The following RNPEPL1 variants were observed in gnomAD, a reference collection of about 807,000 sequenced individuals.
RNPEPL1 encodes the protein aminopeptidase RNPEPL1.
In RNPEPL1, 46 loss-of-function variants were observed where a neutral mutation model predicts 69.0. That is an observed-to-expected ratio of 0.67 (90% CI 0.53 to 0.85). The LOEUF (loss-of-function observed/expected upper bound fraction) is 0.85. Ranked by LOEUF, RNPEPL1 falls within the 40% of genes least tolerant of loss-of-function variation. The pLI is 0.00. For missense variants in RNPEPL1, 869 were observed against 992.5 expected (o/e 0.88, Z 1.67); for synonymous variants, 525 against 454.1 (o/e 1.16, Z -1.98).
At chr2:240,573,288 G>A in intron 3 of RNPEPL1, 27 bp downstream of exon 3, 1 of 1,544,524 alleles carries the variant, frequency 6.5e-7, no homozygotes, top group African/African-American at 1.4e-5. Context: ...GGGCCTTCTG[G>A]GGCTGCGCAG....
At position 240,569,275 on chromosome 2, in the gene RNPEPL1, C is replaced by G. The variant is rs913011085; in HGVS notation, c.528+161C>G. On this transcript the variant is annotated intron_variant, in intron 1 of 10. Coordinates refer to ENST00000270357, the MANE Select transcript of RNPEPL1 (RefSeq NM_018226.6). ...AGCTGTTGCCTGTGAGCCCTTAGGACCCTCGGATAGAAGCCGGAGTCCTGC... is the reference window on the plus strand; with the variant it reads ...AGCTGTTGCCTGTGAGCCCTTAGGAGCCTCGGATAGAAGCCGGAGTCCTGC... 2.8e-5 allele frequency: 22 copies of G among 787,760 alleles called. No individual in the cohort carries two copies. The Admixed American group carries it at 7.3e-4, about 26-fold the overall frequency. 48.8% of individuals were successfully genotyped at this position (787,760 alleles called of 1,614,324 possible).
chr2:240,573,274 G>C lies in RNPEPL1; in HGVS notation c.821+13G>C. Reference sequence around the variant, plus strand: ...ACATCGGGCCCAGGTAGGGCCTCCTGCTGGGGCCTTCTGGGGCTGCGCAGG... The same window carrying C: ...ACATCGGGCCCAGGTAGGGCCTCCTCCTGGGGCCTTCTGGGGCTGCGCAGG... On this transcript the variant is annotated intron_variant, in intron 3 of 10. Coordinates refer to ENST00000270357, the MANE Select transcript of RNPEPL1 (RefSeq NM_018226.6). The C allele has an allele frequency of 6.4e-7, 1 of 1,553,382 alleles. No individual in the cohort carries two copies. Among genetic ancestry groups the C allele is most frequent in the Non-Finnish European group, 8.7e-7 (1 of 1,148,782 alleles).
At position 240,572,639 on chromosome 2, in the gene RNPEPL1, C is replaced by T. The variant is rs1295213650; in HGVS notation, c.669+76C>T. 3 of 1,501,842 alleles carry T rather than the reference C, an allele frequency of 2.0e-6. No homozygotes were observed. The Admixed American group carries it at 6.0e-5, about 30-fold the overall frequency. 93.0% of individuals were successfully genotyped at this position (1,501,842 alleles called of 1,614,324 possible). ...CTGGCCACGCCGCCTCCCCCTTGCT[C>T]CTACCTGCCTGGGCTGTGGCCCCAG... On this transcript the variant is annotated intron_variant, in intron 2 of 10. Transcript: ENST00000270357.
chr2:240,572,283 A>C (rs1297151536), intron 1 of RNPEPL1, 140 bp from the exon 2 acceptor site: 1 of 970,818 alleles, frequency 1.0e-6, no homozygotes, highest in African/African-American at 1.6e-5. Flanking sequence ...AGGGGTGGCT[A>C]TTGGCCCTCG....
chr2:240,572,933 A>G (rs532383536), intron 2 of RNPEPL1, among the ~76,000 whole-genome samples, 177 bp from the exon 3 acceptor site: 1 of 152,300 alleles, frequency 6.6e-6, no homozygotes, highest in Non-Finnish European at 1.5e-5. Context: ...GCTGGGAGCT[A>G]GGGGTTCCGA....
At position 240,568,816 on chromosome 2, in the gene RNPEPL1, T is replaced by C; in HGVS notation, c.230T>C (p.Leu77Pro). The change falls in exon 1 of 11, where the codon CTC becomes CCC. Residue 77 changes from leucine to proline, a missense_variant. Coordinates refer to ENST00000270357, the MANE Select transcript of RNPEPL1 (RefSeq NM_018226.6). The surrounding 1 kb of genome is among the most constrained non-coding windows in gnomAD (Gnocchi z 6.2). Reference sequence around the variant, plus strand: ...CGGCCCGCGCCCCGCGCGCTCGTGCTCGACGCGCACCCGGCTCTGCGCCTG... The same window carrying C: ...CGGCCCGCGCCCCGCGCGCTCGTGCCCGACGCGCACCCGGCTCTGCGCCTG... ...ALRPAPRALV[L>P]DAHPALRLHS... The C allele has an allele frequency of 1.8e-6, 2 of 1,112,614 alleles. No individual in the cohort carries two copies. Among genetic ancestry groups the C allele is most frequent in the Non-Finnish European group, 2.2e-6 (2 of 911,086 alleles). The allele number at this position is 1,112,614 out of a possible 1,614,324, so 68.9% of individuals were successfully genotyped here.
chr2:240,574,401 G>A lies in RNPEPL1; in HGVS notation c.1174+53G>A, dbSNP rs539813570. 1.4e-5 allele frequency: 22 copies of A among 1,568,840 alleles called. No homozygotes were observed. The African/African-American group carries it at 2.3e-4, about 16-fold the overall frequency. On this transcript the variant is annotated intron_variant, in intron 5 of 10. Coordinates refer to ENST00000270357, the MANE Select transcript of RNPEPL1 (RefSeq NM_018226.6). ...ACGGGGGGCCCTGGGCACTGGTCCA[G>A]GGGCAGAGAGCCTAGCCTGGCCCCC...
intron 1 of RNPEPL1, among the ~76,000 whole-genome samples, chr2:240,570,183 G>C (rs115069440): frequency 6.6e-6 from 1 of 152,216 alleles, no homozygotes; most frequent in Admixed American, 6.5e-5. Flanking sequence ...TCCGTGTTTG[G>C]AGCCCACGTG....
At chr2:240,574,905 C>T (rs543846534) in intron 6 of RNPEPL1, 125 bp from the exon 7 acceptor site, 574 of 793,780 alleles carry the variant, frequency 7.2e-4, no homozygotes, top group Non-Finnish European at 1.1e-3. Flanking sequence ...CAGTACACAT[C>T]TGGACATGTG....
At position 240,573,098 on chromosome 2, in the gene RNPEPL1, G is replaced by GC. The variant is rs766962177; in HGVS notation, c.670-10dup. ...GGTGGGGCCACCCGGTCTCAGTCCG[G>GC]CCTCCTTACAGGCGCCATCGGGGGT... On this transcript the variant is annotated splice_polypyrimidine_tract_variant and intron_variant, in intron 2 of 10. Coordinates refer to ENST00000270357, the MANE Select transcript of RNPEPL1 (RefSeq NM_018226.6). 1 of 1,591,482 alleles carries GC rather than the reference G, an allele frequency of 6.3e-7. No homozygotes were observed. Among genetic ancestry groups the GC allele is most frequent in the Non-Finnish European group, 8.6e-7 (1 of 1,167,608 alleles).
chr2:240,575,645 C>A lies in RNPEPL1; in HGVS notation c.1510+35C>A, dbSNP rs376974000. 4.5e-6 allele frequency: 7 copies of A among 1,571,560 alleles called. No individual in the cohort carries two copies. In the East Asian group the frequency reaches 1.6e-4, roughly 35 times the overall value. On this transcript the variant is annotated intron_variant, in intron 8 of 10. Transcript: ENST00000270357. ...ACCCCCAACCCTGCAGCCAGGGAGC[C>A]GTGGGTATGATGGCAGGCGGGGCCT... is the stretch of plus-strand genomic sequence containing the variant.
chr2:240,573,346 G>A (rs2093027954), intron 3 of RNPEPL1, 85 bp downstream of exon 3: 9 of 1,427,628 alleles, frequency 6.3e-6, no homozygotes, highest in Non-Finnish European at 8.3e-6. Flanking sequence ...GTCCACGGCT[G>A]CCCTGCTGAG....
At chr2:240,572,735 A>G (rs1009623410) in intron 2 of RNPEPL1, among the ~76,000 whole-genome samples, 172 bp downstream of exon 2, 6 of 152,080 alleles carry the variant, frequency 3.9e-5, no homozygotes, top group Admixed American at 6.5e-5. Context: ...TTTGCAGGGA[A>G]CGGGGGAAGC....
rs894173487 is a variant in RNPEPL1 at position 240,573,766 on chromosome 2, A to C, written c.822-9A>C. On this transcript the variant is annotated splice_polypyrimidine_tract_variant and intron_variant, in intron 3 of 10. Transcript: ENST00000270357. ...CTCGGCCTCAGCTCACCCTCTCTGC[A>C]TGCACCAGGAGCCGCGTGTGGGCCG... 5.9e-6 allele frequency: 9 copies of C among 1,527,714 alleles called. No individual in the cohort carries two copies. The African/African-American group carries it at 1.1e-4, about 19-fold the overall frequency. 94.6% of individuals were successfully genotyped at this position (1,527,714 alleles called of 1,614,324 possible). A position where few individuals can be genotyped will look rare whatever the true frequency, so the allele number is the denominator to read the frequency against.
chr2:240,578,786 G>C lies in RNPEPL1; in HGVS notation c.*894G>C, dbSNP rs1329256950. 1.3e-5 allele frequency: 2 copies of C among 152,882 alleles called. No homozygotes were observed. The highest frequency in any genetic ancestry group is 4.8e-5 in the African/African-American group (2 of 41,460). The allele number at this position is 152,882 out of a possible 1,614,324, so 9.5% of individuals were successfully genotyped here. On this transcript the variant is annotated 3_prime_UTR_variant, in exon 11 of 11. Transcript: ENST00000270357. ...TCCTCTGCATCTTCCTGGCTGTGTA[G>C]GGTGGGCTGGCCTGCCGGGACTTGG...
chr2:240,575,389 CCT>C (rs948193235), intron 7 of RNPEPL1, 111 bp from the exon 8 acceptor site: 76 of 943,776 alleles, frequency 8.1e-5, no homozygotes, highest in Non-Finnish European at 1.1e-4. Context: ...ACTAGCTGCC[CCT>C]GTGCCCAGCA....
chr2:240,576,571 C>T lies in RNPEPL1; in HGVS notation c.1547C>T (p.Pro516Leu), dbSNP rs747494556. The T allele has an allele frequency of 9.3e-6, 15 of 1,612,718 alleles. No individual in the cohort carries two copies. Among genetic ancestry groups the T allele is most frequent in the African/African-American group, 2.7e-5 (2 of 74,946 alleles). Residue 516 changes from proline (P) to leucine (L), a missense_variant, in exon 9 of 11, where the codon CCG becomes CTG. This residue lies in a region of RNPEPL1 where 610 missense variants were observed against 790.9 expected (regional missense o/e 0.77). Coordinates refer to ENST00000270357, the MANE Select transcript of RNPEPL1 (RefSeq NM_018226.6). ...GAGCGCTGGCTCAATGCCACAGGCCCGCCGCTGGCTGAGCCGGACCTGTCT... is the reference window on the plus strand; with the variant it reads ...GAGCGCTGGCTCAATGCCACAGGCCTGCCGCTGGCTGAGCCGGACCTGTCT... ...EFERWLNATG[P>L]PLAEPDLSQG...
chr2:240,575,908 C>T (rs555721574), intron 8 of RNPEPL1: 36 of 438,826 alleles, frequency 8.2e-5, no homozygotes, highest in South Asian at 8.1e-4. Context: ...GGGCGGGTGA[C>T]GGGGGTGTCC....
At chr2:240,569,919 G>A (rs1020161898) in intron 1 of RNPEPL1, among the ~76,000 whole-genome samples, 7 of 152,170 alleles carry the variant, frequency 4.6e-5, no homozygotes, top group African/African-American at 1.7e-4. Context: ...GAGGCTTCAG[G>A]CCACAAAGAG....
Sources: allele counts gnomAD v4.1 joint callset (sites outside exome capture counted in the v4.1 genomes callset), GRCh38; gene constraint gnomAD v4.1.1; regional missense constraint gnomAD v4.1.1; non-coding constraint Gnocchi (gnomAD v3.1); transcripts MANE v1.5; gene names NCBI Gene and HGNC (gene_info 2026-07-23, HGNC 2026-07-21).